Variants in SYCE1 observed in about 807,000 individuals in gnomAD.
SYCE1 encodes the protein cancer/testis antigen 76.
A neutral mutation model predicts 55.1 loss-of-function variants in SYCE1; 37 were observed. The observed-to-expected ratio is 0.67, with a 90% CI of 0.52 to 0.88. The LOEUF (loss-of-function observed/expected upper bound fraction) is 0.88, where lower values mean the gene tolerates loss of function less well. Among genes scored for constraint, SYCE1 ranks in the 40% least tolerant of loss-of-function variants. SYCE1 has a pLI of 0.00. For synonymous variants in SYCE1, 163 were observed against 159.4 expected (o/e 1.02, Z -0.17); for missense variants, 399 against 416.4 (o/e 0.96, Z 0.36).
intron 5 of SYCE1, 56 bp downstream of exon 5, chr10:133,558,111 T>G (rs1589967010): frequency 6.2e-7 from 1 of 1,608,614 alleles, no homozygotes; most frequent in Non-Finnish European, 8.5e-7. Flanking sequence ...ATAGGGAGAG[T>G]GGGCTTCTGT....
At chr10:133,567,858 C>T, upstream of SYCE1, 1 of 438,370 alleles carries the variant, frequency 2.3e-6, no homozygotes, top group Non-Finnish European at 4.5e-6. Flanking sequence ...TGGGGCAGGG[C>T]CCATGGTCTC....
intron 2 of SYCE1, chr10:133,559,630 G>A (rs1851774963): frequency 6.3e-6 from 3 of 479,246 alleles, no homozygotes; most frequent in Non-Finnish European, 7.6e-6. Flanking sequence ...AAGTGCTCCT[G>A]AGATATGGGA....
chr10:133,565,504 T>C lies in SYCE1; in HGVS notation c.26A>G (p.Lys9Arg). The C allele has an allele frequency of 6.5e-7, 1 of 1,550,096 alleles. No homozygotes were observed. The highest frequency in any genetic ancestry group is 8.7e-7 in the Non-Finnish European group (1 of 1,146,786). The change falls in exon 1 of 13, where the codon AAG becomes AGG. Residue 9 changes from lysine (K) to arginine (R), a missense_variant. Coordinates refer to ENST00000343131, the MANE Select transcript of SYCE1 (RefSeq NM_001143764.3). MAGRSLTSKAEPTAGAVDR... is the reference protein window; with the variant it reads MAGRSLTSRAEPTAGAVDR... The stretch of plus-strand genomic sequence containing the variant: ...CACGGCTCCTGCGGTGGGCTCGGCC[T>C]TCGATGTCAGGGACCTCCCCGCCAT...
intron 1 of SYCE1, among the ~76,000 whole-genome samples, chr10:133,561,545 C>T (rs1851815007): frequency 6.6e-6 from 1 of 152,174 alleles, no homozygotes; most frequent in Non-Finnish European, 1.5e-5. Flanking sequence ...TCGCTCCCAA[C>T]AGGGAAGACA....
At chr10:133,559,226 T>A in intron 3 of SYCE1, 75 bp downstream of exon 3, 1 of 1,494,778 alleles carries the variant, frequency 6.7e-7, no homozygotes, top group East Asian at 2.3e-5. Flanking sequence ...CAAGGGACCC[T>A]GCATTCTCAC....
chr10:133,560,541 C>CTA (rs1851794791), intron 1 of SYCE1: 1 of 158,336 alleles, frequency 6.3e-6, no homozygotes, highest in African/African-American at 2.4e-5. Flanking sequence ...TCTACAAAAC[C>CTA]ATAAGGATTA....
chr10:133,555,888 G>A lies in SYCE1; in HGVS notation c.611C>T (p.Ala204Val), dbSNP rs7918730. The change falls in exon 10 of 13, where the codon GCG becomes GTG. Residue 204 changes from alanine to valine, a missense_variant. Coordinates refer to ENST00000343131, the MANE Select transcript of SYCE1 (RefSeq NM_001143764.3). ...QLLKEEKLVK[A>V]TLEDVKHQLC... is the part of the protein sequence containing the mutation. Reference sequence around the variant, plus strand: ...CTGATGCTTCACGTCTTCCAGTGTCGCCTTGACCAGCTTCTCTGCAGCACA... The same window carrying A: ...CTGATGCTTCACGTCTTCCAGTGTCACCTTGACCAGCTTCTCTGCAGCACA... 354 of 1,613,946 alleles carry A rather than the reference G, an allele frequency of 2.2e-4. No homozygotes were observed. The African/African-American group carries it at 2.7e-3, about 13-fold the overall frequency.
chr10:133,555,941 G>A (rs749705701), intron 9 of SYCE1, 38 bp from the exon 10 acceptor site: 9 of 1,613,764 alleles, frequency 5.6e-6, no homozygotes, highest in East Asian at 2.2e-5. Context: ...ATGAAGGCAC[G>A]TGAGGTCAGA....
At chr10:133,561,826 T>C (rs976029497) in intron 1 of SYCE1, among the ~76,000 whole-genome samples, 1 of 152,134 alleles carries the variant, frequency 6.6e-6, no homozygotes, top group Non-Finnish European at 1.5e-5. Context: ...TTTGGCCAAT[T>C]CTGACTTGAT....
rs761093744 is a variant in SYCE1 at position 133,555,724 on chromosome 10, G to T, written c.720-17C>A. On this transcript the variant is annotated splice_polypyrimidine_tract_variant and intron_variant, in intron 10 of 12. Transcript: ENST00000343131. ...AACAGCTGCCTGGGGGGCCCAGTAG[G>T]GGGTGGTCAGCACCGGCCACTCCCT... 3 of 1,607,436 alleles carry T rather than the reference G, an allele frequency of 1.9e-6. No homozygotes were observed. Among genetic ancestry groups the T allele is most frequent in the South Asian group, 2.2e-5 (2 of 91,060 alleles).
At position 133,559,363 on chromosome 10, in the gene SYCE1, G is replaced by A; in HGVS notation, c.137-3C>T. ...AACTCGGGGCTCTAGGCTTCCCACT[G>A]CACGGAGGAAAGGAGGTTGAGTTGA... On this transcript the variant is annotated splice_polypyrimidine_tract_variant and splice_region_variant and intron_variant, in intron 2 of 12. Coordinates refer to ENST00000343131, the MANE Select transcript of SYCE1 (RefSeq NM_001143764.3). 6.2e-7 allele frequency: 1 copy of A among 1,614,022 alleles called. No individual in the cohort carries two copies. Among genetic ancestry groups the A allele is most frequent in the South Asian group, 1.1e-5 (1 of 91,062 alleles).
intron 2 of SYCE1, chr10:133,559,782 G>A (rs1589968686): frequency 9.1e-6 from 4 of 439,768 alleles, no homozygotes; most frequent in South Asian, 4.8e-5. Context: ...AGGGAGTAGC[G>A]GGTGAGGGGG....
At chr10:133,561,629 T>C (rs1432156466) in intron 1 of SYCE1, among the ~76,000 whole-genome samples, 2 of 152,196 alleles carry the variant, frequency 1.3e-5, no homozygotes, top group African/African-American at 4.8e-5. Flanking sequence ...CCTAGGTAAG[T>C]AACTGAATTG....
At chr10:133,561,734 ATTTG>A (rs1400391225) in intron 1 of SYCE1, among the ~76,000 whole-genome samples, 22 of 142,168 alleles carry the variant, frequency 1.5e-4, no homozygotes, top group African/African-American at 5.7e-4. Context: ...TTGTGTGATC[ATTTG>A]TTTGTTTTGC....
chr10:133,554,723 T>C, downstream of SYCE1: 1 of 876,110 alleles, frequency 1.1e-6, no homozygotes, highest in Non-Finnish European at 1.9e-6. Flanking sequence ...GGTATGTGTA[T>C]GTGTGTATGC....
intron 12 of SYCE1, 26 bp downstream of exon 12, chr10:133,555,325 C>T (rs1157952259): frequency 2.5e-6 from 4 of 1,613,214 alleles, no homozygotes; most frequent in African/African-American, 2.7e-5. Flanking sequence ...TGTTTCTGTT[C>T]CCTGACGCCC....
chr10:133,562,289 G>A (rs201561873), intron 1 of SYCE1, among the ~76,000 whole-genome samples: 6,525 of 150,732 alleles, frequency 0.043, 241 homozygotes, highest in East Asian at 0.18. Flanking sequence ...GTGTGTGTGT[G>A]TGTGTGTGTG....
chr10:133,566,102 AGTGGCCGAGGCCGGCCACAAGCCCACG>A (rs1851929119), upstream of SYCE1, among the ~76,000 whole-genome samples: 1 of 152,202 alleles, frequency 6.6e-6, no homozygotes, highest in Non-Finnish European at 1.5e-5. Flanking sequence ...CCATGCCCAC[AGTGGCCGAGGCCGGCCACAAGCCCACG>A]GTCCCTTCTG....
chr10:133,562,225 T>C (rs528443509), intron 1 of SYCE1, among the ~76,000 whole-genome samples: 1 of 151,608 alleles, frequency 6.6e-6, no homozygotes, highest in African/African-American at 2.4e-5. Flanking sequence ...GAAACTCAAA[T>C]GGTTAAAAGT....
Sources: gnomAD v4.1 joint callset for allele counts (sites outside exome capture counted in the v4.1 genomes callset) on GRCh38, gnomAD v4.1.1 for gene constraint, MANE v1.5 for transcripts, NCBI Gene and HGNC (gene_info 2026-07-23, HGNC 2026-07-21) for gene names.